Variants in PIGF observed in about 807,000 individuals in gnomAD.
The protein encoded by PIGF is phosphatidylinositol glycan anchor biosynthesis class F.
A neutral mutation model predicts 26.0 loss-of-function variants in PIGF; 23 were observed. That is an observed-to-expected ratio of 0.88 (90% CI 0.64 to 1.25). The LOEUF is 1.25. Ranked by LOEUF, PIGF falls within the 50% of genes most tolerant of loss-of-function variation. The pLI, the probability that PIGF is intolerant of heterozygous loss-of-function variation, is 0.00. For synonymous variants in PIGF, 93 were observed against 92.6 expected, an observed-to-expected ratio of 1.00 and a Z score of -0.03; for missense variants, 278 against 249.9, an observed-to-expected ratio of 1.11 and a Z score of -0.76.
intron 5 of PIGF, 60 bp downstream of exon 5, chr2:46,592,415 A>C: frequency 3.4e-6 from 3 of 873,232 alleles, no homozygotes; most frequent in Non-Finnish European, 5.9e-6. Context: ...AGTTTGCTTC[A>C]TCTGTTTTAC....
intron 1 of PIGF, chr2:46,616,371 C>T (rs539886140): frequency 9.8e-5 from 15 of 152,504 alleles, no homozygotes; most frequent in Admixed American, 9.1e-4. Flanking sequence ...CAACAGATAG[C>T]CCTTCAGCGA....
In PIGF at chr2:46,612,246, C is replaced by G; in HGVS notation, c.419G>C (p.Arg140Thr). 1 of 1,328,092 alleles carries G rather than the reference C, an allele frequency of 7.5e-7. No homozygotes were observed. The highest frequency in any genetic ancestry group is 1.0e-6 in the Non-Finnish European group (1 of 993,608). The allele number at this position is 1,328,092 out of a possible 1,614,324, so 82.3% of individuals were successfully genotyped here. Residue 140 changes from arginine to threonine, a missense_variant, in exon 4 of 6, where the codon AGA becomes ACA. Arg to Thr is a moderately conservative substitution (Grantham distance 71). Transcript: ENST00000281382. The stretch of plus-strand genomic sequence containing the variant: ...AACTTACCCATTTCTACTGAACACT[C>G]TTAGCCATGCTTTGAGGTTTGGTCC... ...LLGPNLKAWL[R>T]VFSRNGVTSI...
In PIGF at chr2:46,612,338, T is replaced by C. The variant is rs1824050; in HGVS notation, c.327A>G (p.Ala109=). The C allele has an allele frequency of 0.25, 323,897 of 1,285,300 alleles. 44,071 individuals are homozygous for C. Among genetic ancestry groups the C allele is most frequent in the Admixed American group, 0.32 (12,066 of 37,284 alleles). The allele number at this position is 1,285,300 out of a possible 1,614,324, so 79.6% of individuals were successfully genotyped here. ...TAACTGCAAATAAAAATGTTTCCAA[T>C]GCCAACCTAGAAAAAAAAAAAGATT... ...VLYGAPLIEL[A]LETFLFAVIL... Residue 109 remains alanine (A), a synonymous_variant, in exon 4 of 6, where the codon GCA becomes GCG. Coordinates refer to ENST00000281382, the MANE Select transcript of PIGF (RefSeq NM_002643.4).
rs142190858 is a variant in PIGF at position 46,592,584 on chromosome 2, C to T, written c.438-1G>A. ...ACTATTCTCCCATATGGATGTAACT[C>T]TGTGAAACACAAATTGGTACATCGT... On this transcript the variant is annotated splice_acceptor_variant, in intron 4 of 5. Transcript: ENST00000281382. LOFTEE classifies it high-confidence loss of function. The T allele has an allele frequency of 1.5e-5, 22 of 1,491,636 alleles. No individual in the cohort carries two copies. Among genetic ancestry groups the T allele is most frequent in the Non-Finnish European group, 1.9e-5 (20 of 1,068,348 alleles). 92.4% of individuals were successfully genotyped at this position (1,491,636 alleles called of 1,614,324 possible).
chr2:46,581,278 G>A lies in PIGF; in HGVS notation c.*200C>T. 1.0e-6 allele frequency: 1 copy of A among 972,100 alleles called. No homozygotes were observed. The highest frequency in any genetic ancestry group is 1.8e-5 in the South Asian group (1 of 54,430). 60.2% of individuals were successfully genotyped at this position (972,100 alleles called of 1,614,324 possible). On this transcript the variant is annotated 3_prime_UTR_variant, in exon 6 of 6. Coordinates refer to ENST00000281382, the MANE Select transcript of PIGF (RefSeq NM_002643.4). ...TAAGAAGCAGTAAGCAGCATCTGAA[G>A]CCACAATCTATTATAAATACTTTAT... is the stretch of plus-strand genomic sequence containing the variant.
At chr2:46,605,482 A>C (rs182366708) in intron 4 of PIGF, among the ~76,000 whole-genome samples, 59 of 152,218 alleles carry the variant, frequency 3.9e-4, no homozygotes, top group African/African-American at 1.3e-3. Flanking sequence ...TGATATATAA[A>C]ATGCTCCCTG....
In PIGF at chr2:46,588,107, A is replaced by T. The variant is rs755844484; in HGVS notation, c.546+4368T>A. On this transcript the variant is annotated intron_variant, in intron 5 of 5. Transcript: ENST00000281382. This position sits in a 1 kb window ranked among gnomAD's most constrained non-coding sequence, Gnocchi z 4.1. ...TACGGTTGTCAGGATTAAGTTACTC[A>T]TTTCACAGTACCAAGCCCCCTGCAG... 2 of 1,605,846 alleles carry T rather than the reference A, an allele frequency of 1.2e-6. No individual in the cohort carries two copies. The highest frequency in any genetic ancestry group is 3.4e-5 in the Admixed American group (2 of 58,632).
intron 4 of PIGF, among the ~76,000 whole-genome samples, chr2:46,595,812 T>C (rs1329542391): frequency 6.6e-6 from 1 of 152,216 alleles, no homozygotes; most frequent in Non-Finnish European, 1.5e-5. Context: ...TGTGAAATGG[T>C]ATCATGGTGA....
intron 2 of PIGF, chr2:46,614,185 A>G (rs1451859847): frequency 1.3e-5 from 2 of 153,300 alleles, no homozygotes; most frequent in African/African-American, 4.8e-5. Context: ...TTTTCATTTT[A>G]AAACAAAATT....
At chr2:46,611,968 T>A in intron 4 of PIGF, among the ~76,000 whole-genome samples, 1 of 151,838 alleles carries the variant, frequency 6.6e-6, no homozygotes, top group Non-Finnish European at 1.5e-5. Context: ...TCTTCTTTTT[T>A]TTTTTAAACA....
intron 5 of PIGF, among the ~76,000 whole-genome samples, chr2:46,583,532 G>A (rs1186480689): frequency 6.6e-6 from 1 of 152,118 alleles, no homozygotes; most frequent in African/African-American, 2.4e-5. Flanking sequence ...TGATGGGTTT[G>A]GAGTTCCCCA....
rs113979833 is a variant in PIGF at position 46,603,687 on chromosome 2, G to A, written c.437+8541C>T. Among the ~76,000 whole-genome samples the A allele has an allele frequency of 2.6e-4, 39 of 151,810 alleles. 1 individual carries two copies. The highest frequency in any genetic ancestry group is 9.4e-4 in the African/African-American group (39 of 41,438). On this transcript the variant is annotated intron_variant, in intron 4 of 5. Transcript: ENST00000281382. ...GAATGAAACTAGACCCCTAACTCTC[G>A]CCATATACAAAAATCAAACCAAGAT...
chr2:46,585,578 C>A (rs1423754784), intron 5 of PIGF, among the ~76,000 whole-genome samples: 1 of 152,158 alleles, frequency 6.6e-6, no homozygotes, highest in Admixed American at 6.5e-5. Flanking sequence ...GTCATGAAAG[C>A]TATAAAGTAC....
rs1164364760 is a variant in PIGF at position 46,613,802 on chromosome 2, T to A, written c.229-17A>T. ...TCCAGTTACCTAAAAGAGAAATGAA[T>A]AACCTGAAGATTCAAGATAATGCTT... On this transcript the variant is annotated splice_polypyrimidine_tract_variant and intron_variant, in intron 2 of 5. Coordinates refer to ENST00000281382, the MANE Select transcript of PIGF (RefSeq NM_002643.4). 1.4e-5 allele frequency: 21 copies of A among 1,516,670 alleles called. No homozygotes were observed. Among genetic ancestry groups the A allele is most frequent in the Non-Finnish European group, 1.8e-5 (20 of 1,113,030 alleles). The allele number at this position is 1,516,670 out of a possible 1,614,324, so 94.0% of individuals were successfully genotyped here.
chr2:46,598,778 G>C (rs1374239108), intron 4 of PIGF, among the ~76,000 whole-genome samples: 1 of 152,054 alleles, frequency 6.6e-6, no homozygotes, highest in Non-Finnish European at 1.5e-5. Flanking sequence ...GTACAACTGT[G>C]CCTATACTAA....
At chr2:46,614,171 A>AT (rs1352649147) in intron 2 of PIGF, 1 of 153,764 alleles carries the variant, frequency 6.5e-6, no homozygotes, top group Non-Finnish European at 1.4e-5. Flanking sequence ...GAAAATAACA[A>AT]TTTTTTTCAT....
In PIGF at chr2:46,595,520, C is replaced by T. The variant is rs1669855686; in HGVS notation, c.438-2937G>A. Reference sequence around the variant, plus strand: ...CAACAGCTGATGGATATTTGGGTTGCTTCTACTTTTTGGTTATTATGAATA... The same window carrying T: ...CAACAGCTGATGGATATTTGGGTTGTTTCTACTTTTTGGTTATTATGAATA... On this transcript the variant is annotated intron_variant, in intron 4 of 5. Transcript: ENST00000281382. Among the ~76,000 whole-genome samples the T allele has an allele frequency of 2.0e-5, 3 of 152,128 alleles. No homozygotes were observed. In the South Asian group the frequency reaches 6.2e-4, roughly 32 times the overall value.
At chr2:46,603,264 T>C (rs1231258343) in intron 4 of PIGF, among the ~76,000 whole-genome samples, 2 of 152,024 alleles carry the variant, frequency 1.3e-5, no homozygotes, top group African/African-American at 4.8e-5. Flanking sequence ...AGAATCAATA[T>C]TGTTAAAATG....
At chr2:46,596,837 C>T (rs1474396178) in intron 4 of PIGF, among the ~76,000 whole-genome samples, 1 of 152,168 alleles carries the variant, frequency 6.6e-6, no homozygotes, top group Non-Finnish European at 1.5e-5. Context: ...TCAACCGAAT[C>T]AATAGTAATG....
Sources: allele counts gnomAD v4.1 joint callset (sites outside exome capture counted in the v4.1 genomes callset), GRCh38; gene constraint gnomAD v4.1.1; non-coding constraint Gnocchi (gnomAD v3.1); transcripts MANE v1.5; gene names NCBI Gene and HGNC (gene_info 2026-07-23, HGNC 2026-07-21).